XKR6: variants seen among roughly 807,000 people sequenced by gnomAD.
XKR6 encodes XK related 6, also known as XK-related protein 6.
In XKR6, 22 loss-of-function variants were observed where a neutral mutation model predicts 56.7. The observed-to-expected ratio is 0.39, with a 90% CI of 0.28 to 0.55. The LOEUF (loss-of-function observed/expected upper bound fraction) is 0.55. Among genes scored for constraint, XKR6 ranks in the 20% least tolerant of loss-of-function variants. The pLI is 0.66. For missense variants in XKR6, 852 were observed against 889.0 expected (o/e 0.96, Z 0.53); for synonymous variants, 524 against 387.8 (o/e 1.35, Z -4.13).
At chr8:11,119,453 T>C (rs1033126171) in intron 1 of XKR6, among the ~76,000 whole-genome samples, 1 of 152,232 alleles carries the variant, frequency 6.6e-6, no homozygotes, top group South Asian at 2.1e-4. Flanking sequence ...TAAGTCTCTT[T>C]GTAGGTCACT....
intron 2 of XKR6, among the ~76,000 whole-genome samples, chr8:10,909,492 A>G (rs1800286571): frequency 6.6e-6 from 1 of 152,162 alleles, no homozygotes; most frequent in Non-Finnish European, 1.5e-5. Context: ...TCCATGGTGA[A>G]TGCTAGCTCC....
intron 1 of XKR6, among the ~76,000 whole-genome samples, chr8:11,133,668 C>A (rs1358159057): frequency 6.6e-6 from 1 of 152,132 alleles, no homozygotes; most frequent in Non-Finnish European, 1.5e-5. Context: ...AGGGCTATAC[C>A]TCCTCCTTTG....
chr8:11,171,639 C>T (rs921407302), intron 1 of XKR6, among the ~76,000 whole-genome samples: 3 of 152,226 alleles, frequency 2.0e-5, no homozygotes, highest in African/African-American at 7.2e-5. Flanking sequence ...CACAAGCCCT[C>T]TTAGCCTTCT....
In XKR6 at chr8:10,898,316, G is replaced by C; in HGVS notation, c.1562C>G (p.Pro521Arg). The C allele has an allele frequency of 6.2e-7, 1 of 1,614,030 alleles. No homozygotes were observed. The highest frequency in any genetic ancestry group is 8.5e-7 in the Non-Finnish European group (1 of 1,179,914). Residue 521 changes from proline (P) to arginine (R), a missense_variant, in exon 3 of 3, where the codon CCT (proline) becomes CGT (arginine). Transcript: ENST00000416569. This position sits in a 1 kb window ranked among gnomAD's most constrained non-coding sequence, Gnocchi z 6.6. Reference sequence around the variant, plus strand: ...CATGGGCTCAACATCGGGGGGCAAAGGGATGCCCCAGAGCAGCTCGGCACA... The same window carrying C: ...CATGGGCTCAACATCGGGGGGCAAACGGATGCCCCAGAGCAGCTCGGCACA... ...SCCAELLWGI[P>R]LPPDVEPMAP...
intron 1 of XKR6, among the ~76,000 whole-genome samples, chr8:10,944,919 A>G (rs1024239686): frequency 2.0e-5 from 3 of 152,162 alleles, no homozygotes; most frequent in Non-Finnish European, 4.4e-5. Context: ...ATGAAATGGC[A>G]TTTCTTTCCA....
At chr8:10,899,082 C>T (rs879000084) in intron 2 of XKR6, among the ~76,000 whole-genome samples, 166 bp from the exon 3 acceptor site, 7 of 152,182 alleles carry the variant, frequency 4.6e-5, no homozygotes, top group Non-Finnish European at 8.8e-5. Context: ...CTGCTCCCTA[C>T]GCTGACAACT....
intron 1 of XKR6, among the ~76,000 whole-genome samples, chr8:11,082,770 T>G (rs1797766162): frequency 6.6e-6 from 1 of 152,176 alleles, no homozygotes; most frequent in Non-Finnish European, 1.5e-5. Context: ...GGCTGGGCCT[T>G]TGGGCCGTCC....
chr8:10,987,330 A>C (rs1425632874), intron 1 of XKR6, among the ~76,000 whole-genome samples: 2 of 152,218 alleles, frequency 1.3e-5, no homozygotes, highest in African/African-American at 4.8e-5. Context: ...AGTCCACTGG[A>C]TAAGAGCAGA....
intron 1 of XKR6, chr8:11,123,869 T>A (rs1305197846): frequency 2.2e-6 from 1 of 456,314 alleles, no homozygotes; most frequent in Admixed American, 2.3e-5. Flanking sequence ...ACCTGGCACC[T>A]GCACTGTGCT....
chr8:10,913,148 GTA>G (rs1352561582), intron 2 of XKR6, among the ~76,000 whole-genome samples: 1 of 151,430 alleles, frequency 6.6e-6, no homozygotes, highest in Non-Finnish European at 1.5e-5. Flanking sequence ...TTCTGTGTAT[GTA>G]TATGTGTGTG....
At position 11,067,712 on chromosome 8, in the gene XKR6, C is replaced by T. The variant is rs546812639; in HGVS notation, c.764+132864G>A. Among the ~76,000 whole-genome samples, 23 of 152,336 alleles carry T rather than the reference C, an allele frequency of 1.5e-4. No homozygotes were observed. The South Asian group carries it at 4.8e-3, about 32-fold the overall frequency. ...TTCCTCTTCTTTCCGGGCCCCCTCC[C>T]CAAACTCCCTGAAGCTGGATGTGGC... On this transcript the variant is annotated intron_variant, in intron 1 of 2. Coordinates refer to ENST00000416569, the MANE Select transcript of XKR6 (RefSeq NM_173683.4).
chr8:11,104,005 C>A (rs914424673), intron 1 of XKR6, among the ~76,000 whole-genome samples: 14 of 151,726 alleles, frequency 9.2e-5, no homozygotes, highest in Admixed American at 1.3e-4. Flanking sequence ...TCCAAAATAT[C>A]CCTCGTACCA....
Position 11,201,724 on chromosome 8 carries a change from G to T in XKR6, c.-385C>A, listed in dbSNP as rs1804256725. Among the ~76,000 whole-genome samples the T allele has an allele frequency of 6.6e-6, 1 of 152,330 alleles. No homozygotes were observed. Among genetic ancestry groups the T allele is most frequent in the East Asian group, 1.9e-4 (1 of 5,170 alleles). On this transcript the variant is annotated 5_prime_UTR_variant, in exon 1 of 3. Transcript: ENST00000416569. Reference sequence around the variant, plus strand: ...CGGCGTTTCAGAATCCGGCTGGCCCGAGTGAGGCGGTCCAAAGTGATCCCT... The same window carrying T: ...CGGCGTTTCAGAATCCGGCTGGCCCTAGTGAGGCGGTCCAAAGTGATCCCT...
At chr8:11,193,530 C>G (rs1225640902) in intron 1 of XKR6, among the ~76,000 whole-genome samples, 5 of 152,156 alleles carry the variant, frequency 3.3e-5, no homozygotes, top group Non-Finnish European at 5.9e-5. Flanking sequence ...CAAATTCCAT[C>G]TTTCCTAAAA....
intron 1 of XKR6, among the ~76,000 whole-genome samples, chr8:11,139,335 C>A (rs935140069): frequency 6.6e-6 from 1 of 152,178 alleles, no homozygotes; most frequent in Non-Finnish European, 1.5e-5. Context: ...CAGCAAGGCA[C>A]ACGCAGGTAG....
At chr8:11,083,509 G>A (rs1173911831) in intron 1 of XKR6, among the ~76,000 whole-genome samples, 13 of 152,080 alleles carry the variant, frequency 8.5e-5, no homozygotes, top group African/African-American at 1.2e-4. Flanking sequence ...TACACCCCCC[G>A]TTGAGCTATT....
chr8:11,142,331 A>C (rs1406356816), intron 1 of XKR6, among the ~76,000 whole-genome samples: 1 of 141,950 alleles, frequency 7.0e-6, no homozygotes, highest in African/African-American at 2.5e-5. Flanking sequence ...ACAGCAAGAA[A>C]GCTATAAGGG....
chr8:10,931,439 A>T (rs570577930), intron 1 of XKR6, among the ~76,000 whole-genome samples: 1 of 152,326 alleles, frequency 6.6e-6, no homozygotes, highest in South Asian at 2.1e-4. Context: ...TCTAAAATTT[A>T]TATGAAACTA....
chr8:10,938,365 A>G (rs1428607202), intron 1 of XKR6, among the ~76,000 whole-genome samples: 5 of 152,172 alleles, frequency 3.3e-5, no homozygotes, highest in African/African-American at 7.2e-5. Context: ...CGTCTTCTGC[A>G]TCGCTCACGC....
Sources: gnomAD v4.1 joint callset for allele counts (sites outside exome capture counted in the v4.1 genomes callset) on GRCh38, gnomAD v4.1.1 for gene constraint, Gnocchi (gnomAD v3.1) non-coding constraint, MANE v1.5 for transcripts, NCBI Gene and HGNC (gene_info 2026-07-23, HGNC 2026-07-21) for gene names.